Variants in NR6A1 observed in about 807,000 individuals in gnomAD.
NR6A1 encodes nuclear receptor subfamily 6 group A member 1.
NR6A1 carries 7 observed loss-of-function variants against 59.1 expected under a neutral mutation model. That is an observed-to-expected ratio of 0.12 (90% CI 0.07 to 0.22). NR6A1 has a LOEUF of 0.22. NR6A1 is among the 10% of genes least tolerant of loss of function. The pLI is 1.00. For missense variants in NR6A1, 468 were observed against 611.6 expected, an observed-to-expected ratio of 0.77 and a Z score of 2.48; for synonymous variants, 243 against 236.1, an observed-to-expected ratio of 1.03 and a Z score of -0.27.
At chr9:124,669,091 G>A (rs140218935) in intron 2 of NR6A1, among the ~76,000 whole-genome samples, 10 of 152,232 alleles carry the variant, frequency 6.6e-5, no homozygotes, top group Non-Finnish European at 1.0e-4. Context: ...AGAAATCTCA[G>A]AAGTAAAAAC....
Position 124,765,910 on chromosome 9 carries a change from G to T in NR6A1, c.100+5110C>A, listed in dbSNP as rs72763314. Among the ~76,000 whole-genome samples, 989 of 152,282 alleles carry T rather than the reference G, an allele frequency of 6.5e-3. 5 individuals are homozygous for T. The highest frequency in any genetic ancestry group is 0.011 in the Non-Finnish European group (746 of 68,014). ...TATTTCTCCGCCATACTGAAAAACA[G>T]GTTAGACATCTCACAGTGGTTTTCT... is the stretch of plus-strand genomic sequence containing the variant. On this transcript the variant is annotated intron_variant, in intron 1 of 9. Transcript: ENST00000487099.
intron 4 of NR6A1, among the ~76,000 whole-genome samples, chr9:124,540,881 A>G (rs1280466391): frequency 6.6e-6 from 1 of 152,006 alleles, no homozygotes; most frequent in Non-Finnish European, 1.5e-5. Flanking sequence ...CATTTTGGAT[A>G]CTCTCTTCAA....
At chr9:124,637,905 A>AAG (rs1564212496) in intron 2 of NR6A1, among the ~76,000 whole-genome samples, 1 of 150,982 alleles carries the variant, frequency 6.6e-6, no homozygotes, top group Admixed American at 6.6e-5. Context: ...AAAAAAAAAA[A>AAG]AAAAAAAGAA....
At chr9:124,635,998 T>G (rs532983273) in intron 2 of NR6A1, among the ~76,000 whole-genome samples, 1 of 152,356 alleles carries the variant, frequency 6.6e-6, no homozygotes, top group East Asian at 1.9e-4. Context: ...GTTCTTGCCC[T>G]TCCACATCCT....
chr9:124,550,925 T>C (rs920300020), intron 3 of NR6A1, among the ~76,000 whole-genome samples: 5 of 152,248 alleles, frequency 3.3e-5, no homozygotes, highest in Admixed American at 1.3e-4. Flanking sequence ...TATGAACTCA[T>C]GGATATTTTT....
intron 1 of NR6A1, among the ~76,000 whole-genome samples, chr9:124,736,528 C>A (rs1374759519): frequency 6.6e-6 from 1 of 152,150 alleles, no homozygotes; most frequent in African/African-American, 2.4e-5. Flanking sequence ...AACAACAGCA[C>A]CTACCTTATG....
rs922378385 is a variant in NR6A1 at position 124,666,275 on chromosome 9, C to CTTTTTTTTTTTTTTTTTTT, written c.142+67014_142+67032dup. Among the ~76,000 whole-genome samples, 84 of 103,046 alleles carry CTTTTTTTTTTTTTTTTTTT rather than the reference C, an allele frequency of 8.2e-4. 8 individuals carry two copies. Among genetic ancestry groups the CTTTTTTTTTTTTTTTTTTT allele is most frequent in the African/African-American group, 2.7e-3 (63 of 23,010 alleles). The allele number at this position is 103,046 out of a possible 152,430, so 67.6% of individuals were successfully genotyped here. A position where few individuals can be genotyped will look rare whatever the true frequency, so the allele number is the denominator to read the frequency against. On this transcript the variant is annotated intron_variant, in intron 2 of 9. Coordinates refer to ENST00000487099, the MANE Select transcript of NR6A1 (RefSeq NM_033334.4). ...TTGGCGGAATTACCTCTATGTGGTT[C>CTTTTTTTTTTTTTTTTTTT]TTTTTTTTTTTTTTTTTTTTTGAGA... is the stretch of plus-strand genomic sequence containing the variant.
chr9:124,724,725 T>G (rs911417970), intron 2 of NR6A1, among the ~76,000 whole-genome samples: 3 of 152,186 alleles, frequency 2.0e-5, no homozygotes, highest in African/African-American at 7.2e-5. Context: ...AGACAAAAAG[T>G]TTGGCGAGGA....
intron 2 of NR6A1, among the ~76,000 whole-genome samples, chr9:124,636,890 A>G (rs1440667129): frequency 6.6e-6 from 1 of 152,198 alleles, no homozygotes; most frequent in African/African-American, 2.4e-5. Context: ...TCAAATTGAA[A>G]AGGATGCCCC....
intron 2 of NR6A1, among the ~76,000 whole-genome samples, chr9:124,584,914 A>G (rs895016438): frequency 6.6e-6 from 1 of 152,248 alleles, no homozygotes; most frequent in Non-Finnish European, 1.5e-5. Context: ...TCTTGCTCCA[A>G]AGAGCCAAGC....
chr9:124,542,073 G>A (rs10986361), intron 4 of NR6A1, among the ~76,000 whole-genome samples: 19,187 of 152,146 alleles, frequency 0.13, 3,272 homozygotes, highest in African/African-American at 0.38. Flanking sequence ...ATGTAAGATG[G>A]AAAAGTTCTA....
chr9:124,696,116 T>G (rs1197718061), intron 2 of NR6A1, among the ~76,000 whole-genome samples: 1 of 152,106 alleles, frequency 6.6e-6, no homozygotes, highest in East Asian at 1.9e-4. Context: ...GGAATGGCAC[T>G]GAAAAGGTAA....
At chr9:124,701,229 A>G (rs1838941740) in intron 2 of NR6A1, among the ~76,000 whole-genome samples, 2 of 152,142 alleles carry the variant, frequency 1.3e-5, no homozygotes. Context: ...ACACATCCTA[A>G]CACTTTCTAG....
At chr9:124,524,225 G>A (rs1486779387) in intron 9 of NR6A1, among the ~76,000 whole-genome samples, 2 of 152,114 alleles carry the variant, frequency 1.3e-5, no homozygotes, top group East Asian at 3.9e-4. Context: ...CTGAGTAGCT[G>A]GGATTACAGG....
chr9:124,750,220 C>A (rs1267103918), intron 1 of NR6A1, among the ~76,000 whole-genome samples: 3 of 152,170 alleles, frequency 2.0e-5, no homozygotes, highest in African/African-American at 7.2e-5. Flanking sequence ...TATTTAAGAG[C>A]CTAATGCTAT....
chr9:124,746,188 C>T (rs772387579), intron 1 of NR6A1, among the ~76,000 whole-genome samples: 1 of 152,150 alleles, frequency 6.6e-6, no homozygotes, highest in Non-Finnish European at 1.5e-5. Flanking sequence ...GTACTATCTC[C>T]CACGTCCCAG....
chr9:124,629,743 G>A (rs1042894440), intron 2 of NR6A1, among the ~76,000 whole-genome samples: 2 of 152,140 alleles, frequency 1.3e-5, no homozygotes, highest in African/African-American at 4.8e-5. Context: ...GTACAGTGTT[G>A]GATAGGCACT....
At chr9:124,694,345 CTATTT>C (rs1838672282) in intron 2 of NR6A1, among the ~76,000 whole-genome samples, 1 of 152,026 alleles carries the variant, frequency 6.6e-6, no homozygotes, top group Admixed American at 6.6e-5. Context: ...GTTCTATAAT[CTATTT>C]TGTTATTCAG....
intron 2 of NR6A1, among the ~76,000 whole-genome samples, chr9:124,708,823 T>C (rs926907022): frequency 2.0e-5 from 3 of 152,174 alleles, no homozygotes; most frequent in Admixed American, 6.5e-5. Flanking sequence ...GTACACTGAG[T>C]GTTACAGCTG....
Sources: gnomAD v4.1 joint callset for allele counts (sites outside exome capture counted in the v4.1 genomes callset) on GRCh38, gnomAD v4.1.1 for gene constraint, MANE v1.5 for transcripts, NCBI Gene and HGNC (gene_info 2026-07-23, HGNC 2026-07-21) for gene names.